The following USP8 variants were observed in gnomAD, a reference collection of about 807,000 sequenced individuals.
USP8 encodes the protein ubiquitin specific peptidase 8.
In USP8, 27 loss-of-function variants were observed where a neutral mutation model predicts 130.0. That is an observed-to-expected ratio of 0.21 (90% CI 0.15 to 0.29). The LOEUF (loss-of-function observed/expected upper bound fraction) is 0.29, where lower values mean the gene tolerates loss of function less well. USP8 is among the 10% of genes least tolerant of loss of function. The pLI, the probability that USP8 is intolerant of heterozygous loss-of-function variation, is 1.00. For missense variants in USP8, 1,029 were observed against 1,312.2 expected (o/e 0.78, Z 3.33); for synonymous variants, 392 against 444.1 (o/e 0.88, Z 1.48).
At position 50,462,311 on chromosome 15, in the gene USP8, C is replaced by G. The variant is rs748219940; in HGVS notation, c.530C>G (p.Thr177Ser). The G allele has an allele frequency of 6.3e-6, 10 of 1,598,442 alleles. No homozygotes were observed. In the Admixed American group the frequency reaches 1.4e-4, roughly 23 times the overall value. ...GGTGAAAAGAATGAAAAATGTGAGA[C>G]CAAAGAGAAAGGTAAGTGTGTACAG... Reference protein sequence around the residue: ...SNGEKNEKCETKEKGAITAKE... With the variant: ...SNGEKNEKCESKEKGAITAKE... Residue 177 changes from threonine to serine, a missense_variant, in exon 6 of 20, where the codon ACC (threonine) becomes AGC (serine). Transcript: ENST00000307179.
chr15:50,489,913 C>T (rs2052097649), intron 13 of USP8, 32 bp downstream of exon 13: 1 of 1,486,378 alleles, frequency 6.7e-7, no homozygotes, highest in Non-Finnish European at 9.1e-7. Context: ...AAAATAGCCA[C>T]TGTGTTCCTA....
rs2141354635 is a variant in USP8 at position 50,513,036 on chromosome 15, CAA to C, written c.*13951_*13952del. On this transcript the variant is annotated 3_prime_UTR_variant, in exon 20 of 20. Transcript: ENST00000307179. ...AATAACCCAGTTTGTAAAAAATGTG[CAA>C]AAGACAAATATTTCATACAATAGGA... 6.6e-6 allele frequency: 1 copy of C among 152,198 alleles called. No individual in the cohort carries two copies. The highest frequency in any genetic ancestry group is 2.4e-5 in the African/African-American group (1 of 41,522). The allele number at this position is 152,198 out of a possible 1,614,324, so 9.4% of individuals were successfully genotyped here.
chr15:50,471,830 C>T, intron 8 of USP8, 35 bp downstream of exon 8: 1 of 1,607,528 alleles, frequency 6.2e-7, no homozygotes. Context: ...ATTGTAATTG[C>T]AGGGCATCTC....
At chr15:50,493,755 A>G in intron 15 of USP8, 1 of 428,304 alleles carries the variant, frequency 2.3e-6, no homozygotes, top group Non-Finnish European at 4.4e-6. Flanking sequence ...CTCAAAAAAG[A>G]GTAAAGCCTT....
Position 50,468,003 on chromosome 15 carries a change from C to T in USP8, c.686+2812C>T, listed in dbSNP as rs550534378. ...AGGCTGGAGTGCAATGGTGTGATCT[C>T]GGCCAACTGCAGCCTCCACCTCCCG... On this transcript the variant is annotated intron_variant, in intron 7 of 19. Coordinates refer to ENST00000307179, the MANE Select transcript of USP8 (RefSeq NM_005154.5). Among the ~76,000 whole-genome samples, 18 of 148,982 alleles carry T rather than the reference C, an allele frequency of 1.2e-4. No individual in the cohort carries two copies. The South Asian group carries it at 1.3e-3, about 11-fold the overall frequency.
At chr15:50,468,756 A>G (rs1049031588) in intron 7 of USP8, among the ~76,000 whole-genome samples, 1 of 151,922 alleles carries the variant, frequency 6.6e-6, no homozygotes, top group African/African-American at 2.4e-5. Context: ...CTTTGTGTTC[A>G]TAAGTTCTTA....
At chr15:50,457,531 C>T (rs1378732994) in intron 4 of USP8, among the ~76,000 whole-genome samples, 2 of 147,566 alleles carry the variant, frequency 1.4e-5, no homozygotes, top group African/African-American at 5.0e-5. Flanking sequence ...GTACCCCAGC[C>T]TGGGTGACAG....
chr15:50,433,747 A>G (rs1319204994), intron 1 of USP8, among the ~76,000 whole-genome samples: 1 of 152,112 alleles, frequency 6.6e-6, no homozygotes, highest in Non-Finnish European at 1.5e-5. Context: ...CTGGGACTAC[A>G]GGTGCCCGCC....
intron 14 of USP8, among the ~76,000 whole-genome samples, chr15:50,491,367 G>A (rs891952215): frequency 6.6e-6 from 1 of 152,178 alleles, no homozygotes; most frequent in Non-Finnish European, 1.5e-5. Context: ...CCTGCCAGGT[G>A]CAGACTTATT....
Position 50,475,633 on chromosome 15 carries a change from A to C in USP8, c.850-1216A>C, listed in dbSNP as rs551793653. Among the ~76,000 whole-genome samples the C allele has an allele frequency of 2.2e-4, 34 of 151,974 alleles. 1 individual carries two copies. The South Asian group carries it at 4.8e-3, about 21-fold the overall frequency. On this transcript the variant is annotated intron_variant, in intron 8 of 19. Coordinates refer to ENST00000307179, the MANE Select transcript of USP8 (RefSeq NM_005154.5). ...TATTTATTTTTCGAGATGAAGTCTC[A>C]CTCTTATCCCCCAGGCTGGAGTGCA...
At chr15:50,425,379 G>C (rs1341700233) in intron 1 of USP8, among the ~76,000 whole-genome samples, 1 of 152,300 alleles carries the variant, frequency 6.6e-6, no homozygotes, top group African/African-American at 2.4e-5. Context: ...ATTTGTTAAG[G>C]AAGTATTCCT....
chr15:50,428,382 G>T (rs1474337903), intron 1 of USP8, among the ~76,000 whole-genome samples: 8 of 152,202 alleles, frequency 5.3e-5, no homozygotes, highest in African/African-American at 1.2e-4. Flanking sequence ...CTCCCAAAGT[G>T]CTGGGATTAC....
intron 12 of USP8, 166 bp from the exon 13 acceptor site, chr15:50,489,635 A>G: frequency 2.7e-6 from 1 of 366,720 alleles, no homozygotes; most frequent in East Asian, 5.6e-5. Flanking sequence ...GAAAAAGATA[A>G]TTTTTTTCAT....
At position 50,449,616 on chromosome 15, in the gene USP8, C is replaced by G. The variant is rs920043260; in HGVS notation, c.335+131C>G. The G allele has an allele frequency of 9.4e-6, 5 of 531,176 alleles. No homozygotes were observed. In the African/African-American group the frequency reaches 1.0e-4, roughly 11 times the overall value. 32.9% of individuals were successfully genotyped at this position (531,176 alleles called of 1,614,324 possible). A position where few individuals can be genotyped will look rare whatever the true frequency, so the allele number is the denominator to read the frequency against. ...TTTTTGAGACAGAGTCTCGCGCTGT[C>G]TGTCGCCCATGCTGGAGTGCAGTGG... On this transcript the variant is annotated intron_variant, in intron 4 of 19. Coordinates refer to ENST00000307179, the MANE Select transcript of USP8 (RefSeq NM_005154.5).
chr15:50,476,012 C>T (rs1024467571), intron 8 of USP8, among the ~76,000 whole-genome samples: 1 of 152,044 alleles, frequency 6.6e-6, no homozygotes, highest in Non-Finnish European at 1.5e-5. Context: ...TGGGAGTTTT[C>T]CTTAAGGAGG....
chr15:50,512,748 C>G lies in USP8; in HGVS notation c.*13660C>G, dbSNP rs1246645132. The stretch of plus-strand genomic sequence containing the variant: ...TGGAGGTTGCAGTGAGCCGAGATCA[C>G]ACCACCGCACTCCAGCCTGGGCGAC... On this transcript the variant is annotated 3_prime_UTR_variant, in exon 20 of 20. Coordinates refer to ENST00000307179, the MANE Select transcript of USP8 (RefSeq NM_005154.5). The G allele has an allele frequency of 6.6e-6, 1 of 151,520 alleles. No homozygotes were observed. Among genetic ancestry groups the G allele is most frequent in the East Asian group, 2.0e-4 (1 of 5,124 alleles). 9.4% of individuals were successfully genotyped at this position (151,520 alleles called of 1,614,324 possible). A position where few individuals can be genotyped will look rare whatever the true frequency, so the allele number is the denominator to read the frequency against.
In USP8 at chr15:50,449,342, T is replaced by C. The variant is rs910476960; in HGVS notation, c.250-58T>C. On this transcript the variant is annotated intron_variant, in intron 3 of 19. Transcript: ENST00000307179. ...ACCATGATTTTAATGATTTTAACAC[T>C]AGTGTCACATGCAATGCCGAGAACT... is the stretch of plus-strand genomic sequence containing the variant. 1.3e-5 allele frequency: 14 copies of C among 1,081,892 alleles called. No homozygotes were observed. The African/African-American group carries it at 2.1e-4, about 16-fold the overall frequency. The allele number at this position is 1,081,892 out of a possible 1,614,324, so 67.0% of individuals were successfully genotyped here.
intron 1 of USP8, among the ~76,000 whole-genome samples, chr15:50,430,001 A>G (rs962431972): frequency 6.6e-6 from 1 of 152,236 alleles, no homozygotes; most frequent in Non-Finnish European, 1.5e-5. Flanking sequence ...TAATAAAACA[A>G]ACAGACATTG....
intron 5 of USP8, 36 bp from the exon 6 acceptor site, chr15:50,462,244 T>C (rs368946877): frequency 2.7e-5 from 43 of 1,576,840 alleles, no homozygotes; most frequent in Non-Finnish European, 3.6e-5. Flanking sequence ...TTTGTGTCTA[T>C]GAAAGTTGAA....
Sources: allele counts gnomAD v4.1 joint callset (sites outside exome capture counted in the v4.1 genomes callset), GRCh38; gene constraint gnomAD v4.1.1; transcripts MANE v1.5; gene names NCBI Gene and HGNC (gene_info 2026-07-23, HGNC 2026-07-21).